Variants in BRD3 observed in about 807,000 individuals in gnomAD.
The protein encoded by BRD3 is bromodomain-containing protein 3.
Under a neutral mutation model 66.8 loss-of-function variants are expected in BRD3, and 17 were observed. The ratio of observed to expected loss-of-function variants is 0.25; its 90% confidence interval spans 0.17 to 0.38. The LOEUF is 0.38. Ranked by LOEUF, BRD3 falls within the 10% of genes least tolerant of loss-of-function variation. The pLI is 1.00. For missense variants in BRD3, 713 were observed against 956.1 expected (o/e 0.75, Z 3.35); for synonymous variants, 421 against 393.2 (o/e 1.07, Z -0.84).
At chr9:134,062,205 A>G (rs2506714) in intron 1 of BRD3, among the ~76,000 whole-genome samples, 105,343 of 152,120 alleles carry the variant, frequency 0.69, 37,142 homozygotes, top group African/African-American at 0.8. Flanking sequence ...TCCCCAGGGG[A>G]ATCTGCCCAG....
chr9:134,048,655 G>A (rs565643923), intron 5 of BRD3, among the ~76,000 whole-genome samples: 2 of 152,268 alleles, frequency 1.3e-5, no homozygotes, highest in East Asian at 3.9e-4. Context: ...GGTGAGGCTG[G>A]GACTCTCCCT....
chr9:134,042,700 CACATATATATACACATATATACACAT>C (rs1425805716), intron 7 of BRD3, among the ~76,000 whole-genome samples: 3 of 87,340 alleles, frequency 3.4e-5, no homozygotes, highest in Non-Finnish European at 8.4e-5. Flanking sequence ...CATATACACA[CACATATATATACACATATATACACAT>C]ATATATACAC....
At chr9:134,060,850 G>GC (rs1262088818) in intron 1 of BRD3, among the ~76,000 whole-genome samples, 1 of 152,150 alleles carries the variant, frequency 6.6e-6, no homozygotes, top group African/African-American at 2.4e-5. Context: ...GCTGTGGGTG[G>GC]CCCCCTGAAC....
At chr9:134,064,106 C>T (rs559724626) in intron 1 of BRD3, among the ~76,000 whole-genome samples, 4 of 152,346 alleles carry the variant, frequency 2.6e-5, no homozygotes, top group African/African-American at 9.6e-5. Flanking sequence ...AGCACGGACA[C>T]AACAGGGTCC....
rs560559911 is a variant in BRD3, at chr9:134,041,692, A to G, written c.1407+68T>C. 12 of 1,545,928 alleles carry G rather than the reference A, an allele frequency of 7.8e-6. No individual in the cohort carries two copies. The Admixed American group carries it at 1.1e-4, about 14-fold the overall frequency. On this transcript the variant is annotated intron_variant, in intron 8 of 11. Transcript: ENST00000303407. ...AGGAAGGAACCATGCAAAGGGACGG[A>G]CCTTGGGCTGCTGTGCCAGCAATCC... is the stretch of plus-strand genomic sequence containing the variant.
chr9:134,049,209 G>C (rs1210280227), intron 5 of BRD3, among the ~76,000 whole-genome samples: 1 of 152,166 alleles, frequency 6.6e-6, no homozygotes, highest in East Asian at 1.9e-4. Flanking sequence ...CCTCCTGGGG[G>C]TGTGCAGGTC....
At chr9:134,042,051 C>A in intron 7 of BRD3, 100 bp from the exon 8 acceptor site, 1 of 1,316,838 alleles carries the variant, frequency 7.6e-7, no homozygotes, top group Non-Finnish European at 1.0e-6. Context: ...AGGCAGCACC[C>A]ACAGCTGTTA....
chr9:134,036,572 C>G, intron 9 of BRD3: 1 of 1,610,802 alleles, frequency 6.2e-7, no homozygotes, highest in Middle Eastern at 1.7e-4. Flanking sequence ...TCTCAAACTC[C>G]ACAGGTCAAG....
chr9:134,048,307 G>T lies in BRD3; in HGVS notation c.862C>A (p.Pro288Thr). ...RRESGGRPIK[P>T]PKKDLEDGEV... ...CCGTCCTCCAGGTCCTTCTTGGGAG[G>T]CTTGATGGGGCGGCCACCACTCTCC... The change falls in exon 6 of 12, where the codon CCT (proline) becomes ACT (threonine). Residue 288 changes from proline to threonine, a missense_variant. Around this residue, in one of 5 missense-constraint regions of BRD3, gnomAD observed 418 missense variants for 609.3 expected, o/e 0.69. Coordinates refer to ENST00000303407, the MANE Select transcript of BRD3 (RefSeq NM_007371.4). 1 of 1,601,472 alleles carries T rather than the reference G, an allele frequency of 6.2e-7. No individual in the cohort carries two copies.
Position 134,036,719 on chromosome 9 carries a change from C to T in BRD3, c.1644-395G>A, listed in dbSNP as rs186903540. On this transcript the variant is annotated intron_variant, in intron 9 of 11. Transcript: ENST00000303407. Reference sequence around the variant, plus strand: ...TATCAATAATTATGTGAAATATAAACGGTCTAGGGCCGGGCGCGGTGGCTC... The same window carrying T: ...TATCAATAATTATGTGAAATATAAATGGTCTAGGGCCGGGCGCGGTGGCTC... 1.8e-4 allele frequency: 158 copies of T among 897,798 alleles called. 1 individual carries two copies. Among genetic ancestry groups the T allele is most frequent in the East Asian group, 1.7e-3 (63 of 36,912 alleles). The allele number at this position is 897,798 out of a possible 1,614,324, so 55.6% of individuals were successfully genotyped here. A position where few individuals can be genotyped will look rare whatever the true frequency, so the allele number is the denominator to read the frequency against.
intron 1 of BRD3, among the ~76,000 whole-genome samples, chr9:134,062,944 C>T (rs768325956): frequency 5.9e-5 from 9 of 152,140 alleles, no homozygotes; most frequent in South Asian, 4.1e-4. Flanking sequence ...CCTGGTGCTC[C>T]GCACTTCCTA....
At chr9:134,051,330 C>T (rs1330909000) in intron 4 of BRD3, among the ~76,000 whole-genome samples, 2 of 152,204 alleles carry the variant, frequency 1.3e-5, no homozygotes, top group Admixed American at 1.3e-4. Flanking sequence ...ATGAGCTCCT[C>T]CCCAGCGTGG....
chr9:134,051,873 GTGT>G (rs1312547180), intron 3 of BRD3, among the ~76,000 whole-genome samples, 164 bp from the exon 4 acceptor site: 1 of 106,456 alleles, frequency 9.4e-6, no homozygotes, highest in African/African-American at 4.9e-5. Context: ...GTGTGTGTGT[GTGT>G]GTTGTTTTTT....
chr9:134,049,026 C>A (rs995639261), intron 5 of BRD3, among the ~76,000 whole-genome samples: 5 of 152,172 alleles, frequency 3.3e-5, no homozygotes, highest in African/African-American at 9.7e-5. Flanking sequence ...GCTCTGGGAA[C>A]AAGGGACCTC....
At chr9:134,037,448 G>A (rs1345338874) in intron 9 of BRD3, among the ~76,000 whole-genome samples, 3 of 152,256 alleles carry the variant, frequency 2.0e-5, no homozygotes, top group South Asian at 4.1e-4. Flanking sequence ...GCGGGCACCT[G>A]TAATGCCAGC....
At chr9:134,051,510 C>A in intron 4 of BRD3, 52 bp downstream of exon 4, 1 of 1,461,556 alleles carries the variant, frequency 6.8e-7, no homozygotes, top group South Asian at 1.5e-5. Context: ...CCCATCCACC[C>A]GTGGGCCTCT....
At chr9:134,051,871 G>GTTTTTTTTTTTTTTTTTTTTTTT (rs1564555774) in intron 3 of BRD3, among the ~76,000 whole-genome samples, 162 bp from the exon 4 acceptor site, 1 of 110,506 alleles carries the variant, frequency 9.0e-6, no homozygotes, top group African/African-American at 4.3e-5. Flanking sequence ...GTGTGTGTGT[G>GTTTTTTTTTTTTTTTTTTTTTTT]TGTGTGTTGT....
At chr9:134,044,326 G>A (rs962609591) in intron 7 of BRD3, among the ~76,000 whole-genome samples, 2 of 152,200 alleles carry the variant, frequency 1.3e-5, no homozygotes, top group Non-Finnish European at 2.9e-5. Context: ...AGGACCCACA[G>A]GGGGAACGAG....
chr9:134,060,354 T>C (rs1427375781), intron 1 of BRD3, among the ~76,000 whole-genome samples: 1 of 152,064 alleles, frequency 6.6e-6, no homozygotes, highest in Non-Finnish European at 1.5e-5. Context: ...CCCAGCACCT[T>C]GGGAGGGGCA....
Sources: gnomAD v4.1 joint callset for allele counts (sites outside exome capture counted in the v4.1 genomes callset) on GRCh38, gnomAD v4.1.1 for gene constraint, gnomAD v4.1.1 regional missense constraint, MANE v1.5 for transcripts, NCBI Gene and HGNC (gene_info 2026-07-23, HGNC 2026-07-21) for gene names.